Variants in PAPPA observed in about 807,000 individuals in gnomAD.
The protein encoded by PAPPA is pappalysin 1.
Under a neutral mutation model 164.0 loss-of-function variants are expected in PAPPA, and 60 were observed. The observed-to-expected ratio is 0.37, with a 90% CI of 0.30 to 0.45. The LOEUF is 0.45. PAPPA is among the 20% of genes least tolerant of loss of function. The pLI, the probability that PAPPA is intolerant of heterozygous loss-of-function variation, is 1.00. For synonymous variants in PAPPA, 875 were observed against 814.1 expected, an observed-to-expected ratio of 1.07 and a Z score of -1.27; for missense variants, 1,782 against 2,087.3, an observed-to-expected ratio of 0.85 and a Z score of 2.85.
At chr9:116,364,745 G>A (rs1846477099) in intron 18 of PAPPA, among the ~76,000 whole-genome samples, 2 of 152,174 alleles carry the variant, frequency 1.3e-5, no homozygotes, top group South Asian at 4.1e-4. Flanking sequence ...CTCTCCATCA[G>A]AACAGTGGAG....
At chr9:116,236,627 C>T (rs1844671927) in intron 7 of PAPPA, among the ~76,000 whole-genome samples, 1 of 151,826 alleles carries the variant, frequency 6.6e-6, no homozygotes, top group Admixed American at 6.6e-5. Context: ...CTCAAGCCAC[C>T]TCTCTATTAC....
At chr9:116,240,137 TCA>T (rs1027154721) in intron 7 of PAPPA, among the ~76,000 whole-genome samples, 10 of 152,336 alleles carry the variant, frequency 6.6e-5, no homozygotes, top group African/African-American at 2.2e-4. Flanking sequence ...GAACAGTAGC[TCA>T]CTCTCATCTA....
chr9:116,311,761 G>A (rs1230104478), intron 10 of PAPPA, among the ~76,000 whole-genome samples: 1 of 152,134 alleles, frequency 6.6e-6, no homozygotes, highest in African/African-American at 2.4e-5. Context: ...TACGTCTTGC[G>A]AGGCATCTAA....
At chr9:116,209,859 C>T (rs1844285231) in intron 3 of PAPPA, among the ~76,000 whole-genome samples, 1 of 152,196 alleles carries the variant, frequency 6.6e-6, no homozygotes, top group Non-Finnish European at 1.5e-5. Context: ...CCATTTTCCA[C>T]AGTCACAAGG....
chr9:116,323,377 T>C (rs1845883599), intron 10 of PAPPA, among the ~76,000 whole-genome samples: 2 of 152,058 alleles, frequency 1.3e-5, no homozygotes, highest in Non-Finnish European at 2.9e-5. Flanking sequence ...CTGTATATGT[T>C]CAAGCCGGTC....
chr9:116,352,840 C>T lies in PAPPA; in HGVS notation c.4099C>T (p.His1367Tyr), dbSNP rs1846301660. Reference protein sequence around the residue: ...LQTARCRENKHKVGSFCKYKC... With the variant: ...LQTARCRENKYKVGSFCKYKC... ...GACCGCCCGGTGCCGAGAGAATAAG[C>T]ACAAGGTGGGCTCCTTCTGCAAATA... Residue 1367 changes from histidine (H) to tyrosine (Y), a missense_variant, in exon 16 of 22, where the codon CAC (histidine) becomes TAC (tyrosine). By Grantham distance (83) the His-to-Tyr change is moderately conservative. Around this residue, in one of 2 missense-constraint regions of PAPPA, gnomAD observed 1,324 missense variants for 1,656.9 expected, o/e 0.80. Transcript: ENST00000328252. 3 of 1,613,886 alleles carry T rather than the reference C, an allele frequency of 1.9e-6. No individual in the cohort carries two copies. The South Asian group carries it at 3.3e-5, about 18-fold the overall frequency.
intron 7 of PAPPA, among the ~76,000 whole-genome samples, chr9:116,250,159 A>G (rs1361495653): frequency 6.6e-6 from 1 of 152,038 alleles, no homozygotes; most frequent in Non-Finnish European, 1.5e-5. Flanking sequence ...ATCGGGGGTT[A>G]ATCTTCCATA....
chr9:116,304,235 T>C (rs751699609), intron 10 of PAPPA, among the ~76,000 whole-genome samples: 1 of 152,248 alleles, frequency 6.6e-6, no homozygotes, highest in Non-Finnish European at 1.5e-5. Flanking sequence ...TTTCAGTTTA[T>C]TCATCTTTGT....
At chr9:116,270,448 T>C (rs1286705991) in intron 8 of PAPPA, among the ~76,000 whole-genome samples, 1 of 152,268 alleles carries the variant, frequency 6.6e-6, no homozygotes, top group African/African-American at 2.4e-5. Flanking sequence ...TTAATTTAAA[T>C]GTAAATCATC....
intron 13 of PAPPA, among the ~76,000 whole-genome samples, chr9:116,337,272 G>A (rs1033113081): frequency 1.3e-5 from 2 of 152,188 alleles, no homozygotes; most frequent in Non-Finnish European, 2.9e-5. Flanking sequence ...GCTGAATCTT[G>A]AGGGCTGAGG....
chr9:116,320,130 G>A (rs1415811460), intron 10 of PAPPA, among the ~76,000 whole-genome samples: 1 of 152,204 alleles, frequency 6.6e-6, no homozygotes, highest in African/African-American at 2.4e-5. Flanking sequence ...TTAGTATGCT[G>A]TAGGGCAATA....
At chr9:116,193,339 C>T (rs1404144537) in intron 2 of PAPPA, among the ~76,000 whole-genome samples, 2 of 152,078 alleles carry the variant, frequency 1.3e-5, no homozygotes, top group Non-Finnish European at 1.5e-5. Flanking sequence ...AATGATTTGT[C>T]CTCTCTGGGT....
At chr9:116,259,965 A>T (rs1408328037) in intron 7 of PAPPA, among the ~76,000 whole-genome samples, 3 of 152,234 alleles carry the variant, frequency 2.0e-5, no homozygotes, top group African/African-American at 7.2e-5. Context: ...ATATATTCAT[A>T]TGGTAAAATA....
intron 10 of PAPPA, among the ~76,000 whole-genome samples, chr9:116,329,344 T>C (rs1196128866): frequency 1.3e-5 from 2 of 152,204 alleles, no homozygotes; most frequent in African/African-American, 4.8e-5. Context: ...GCTAACAGTT[T>C]GGATTTTTTT....
intron 10 of PAPPA, among the ~76,000 whole-genome samples, chr9:116,320,773 T>G (rs1384204281): frequency 6.6e-6 from 1 of 151,984 alleles, no homozygotes; most frequent in Non-Finnish European, 1.5e-5. Context: ...GCCTGTGTGT[T>G]GTGTTGTGTT....
intron 1 of PAPPA, among the ~76,000 whole-genome samples, chr9:116,172,978 G>A (rs1197629858): frequency 6.6e-6 from 1 of 152,160 alleles, no homozygotes; most frequent in Non-Finnish European, 1.5e-5. Context: ...CTTTCAAGGA[G>A]TTTATGAGAT....
chr9:116,385,407 A>C (rs1305117660), intron 21 of PAPPA, among the ~76,000 whole-genome samples: 4 of 152,004 alleles, frequency 2.6e-5, no homozygotes, highest in Non-Finnish European at 5.9e-5. Context: ...CAGCCTCCCA[A>C]AGTGCTGGGA....
intron 7 of PAPPA, among the ~76,000 whole-genome samples, chr9:116,254,598 C>G (rs1165639344): frequency 2.0e-5 from 3 of 151,768 alleles, no homozygotes; most frequent in Non-Finnish European, 4.4e-5. Flanking sequence ...CCGGCTAATA[C>G]GGTGAAACCC....
At position 116,335,116 on chromosome 9, in the gene PAPPA, C is replaced by G. The variant is rs377023574; in HGVS notation, c.3611+42C>G. The stretch of plus-strand genomic sequence containing the variant: ...AGACTCGCCCTAGGCCACTTGTAGC[C>G]GAGTGGAGACAGTGTGATTTTGAAG... On this transcript the variant is annotated intron_variant, in intron 13 of 21. Transcript: ENST00000328252. 4 of 1,488,944 alleles carry G rather than the reference C, an allele frequency of 2.7e-6. No individual in the cohort carries two copies. The African/African-American group carries it at 4.1e-5, about 15-fold the overall frequency. The allele number at this position is 1,488,944 out of a possible 1,614,324, so 92.2% of individuals were successfully genotyped here. A position where few individuals can be genotyped will look rare whatever the true frequency, so the allele number is the denominator to read the frequency against.
Sources: gnomAD v4.1 joint callset for allele counts (sites outside exome capture counted in the v4.1 genomes callset) on GRCh38, gnomAD v4.1.1 for gene constraint, gnomAD v4.1.1 regional missense constraint, MANE v1.5 for transcripts, NCBI Gene and HGNC (gene_info 2026-07-23, HGNC 2026-07-21) for gene names.